The following USO1 variants were observed in gnomAD, a reference collection of about 807,000 sequenced individuals.
USO1 encodes USO1 vesicle transport factor.
Under a neutral mutation model 124.5 loss-of-function variants are expected in USO1, and 57 were observed. The observed-to-expected ratio is 0.46, with a 90% CI of 0.37 to 0.57. The LOEUF (loss-of-function observed/expected upper bound fraction) is 0.57. Ranked by LOEUF, USO1 falls within the 20% of genes least tolerant of loss-of-function variation. USO1 has a pLI of 0.00. For missense variants in USO1, 900 were observed against 1,040.6 expected (o/e 0.86, Z 1.86); for synonymous variants, 369 against 362.8 (o/e 1.02, Z -0.19).
At chr4:75,725,045 T>C in intron 1 of USO1, 160 bp downstream of exon 1, 1 of 771,000 alleles carries the variant, frequency 1.3e-6, no homozygotes, top group Admixed American at 2.9e-5. Flanking sequence ...AATCCCAGAG[T>C]TATTCAATCA....
chr4:75,789,115 TCTGAAATTTA>T (rs964238411), intron 10 of USO1, among the ~76,000 whole-genome samples: 10 of 152,156 alleles, frequency 6.6e-5, no homozygotes, highest in African/African-American at 2.4e-4. Context: ...TTTTTGATTT[TCTGAAATTTA>T]CTGATGATGT....
At chr4:75,807,680 T>C (rs1018074551) in intron 20 of USO1, among the ~76,000 whole-genome samples, 1 of 152,186 alleles carries the variant, frequency 6.6e-6, no homozygotes, top group Non-Finnish European at 1.5e-5. Flanking sequence ...TTTGGTTTTA[T>C]TAAGTGTACC....
chr4:75,793,807 C>T lies in USO1; in HGVS notation c.1358C>T (p.Thr453Ile). 1.2e-6 allele frequency: 2 copies of T among 1,613,930 alleles called. No individual in the cohort carries two copies. The highest frequency in any genetic ancestry group is 1.7e-6 in the Non-Finnish European group (2 of 1,179,858). ...ALAHALQENA[T>I]QKEQLLRVQL... is the part of the protein sequence containing the mutation. ...GCCCATGCGTTGCAAGAAAATGCCA[C>T]CCAGAAAGAACAGTTGCTCAGGGTT... The change falls in exon 13 of 24, where the codon ACC becomes ATC. Residue 453 changes from threonine to isoleucine, a missense_variant. Physicochemically the swap from Thr to Ile is moderately conservative, Grantham distance 89. Around this residue, in one of 2 missense-constraint regions of USO1, gnomAD observed 538 missense variants for 681.6 expected, o/e 0.79. Coordinates refer to ENST00000514213, the MANE Select transcript of USO1 (RefSeq NM_003715.4).
intron 4 of USO1, chr4:75,760,534 T>TA (rs1721576374): frequency 1.0e-5 from 4 of 395,712 alleles, no homozygotes; most frequent in Non-Finnish European, 1.8e-5. Context: ...ACTACTACAT[T>TA]AAAAAACTAT....
intron 9 of USO1, 28 bp from the exon 10 acceptor site, chr4:75,787,034 C>T: frequency 6.4e-7 from 1 of 1,553,670 alleles, no homozygotes; most frequent in Non-Finnish European, 8.7e-7. Flanking sequence ...CTTTAAAAGA[C>T]AAATTTTGTT....
At chr4:75,736,593 G>A (rs924905142) in intron 1 of USO1, among the ~76,000 whole-genome samples, 11 of 152,072 alleles carry the variant, frequency 7.2e-5, no homozygotes, top group Admixed American at 3.3e-4. Flanking sequence ...GTGGGCCACC[G>A]CGCCTGGCCA....
chr4:75,741,717 G>A (rs572364534), intron 1 of USO1, among the ~76,000 whole-genome samples: 8 of 143,376 alleles, frequency 5.6e-5, no homozygotes, highest in South Asian at 2.3e-4. Context: ...TAATTCTCCC[G>A]CCTCAGCCTC....
chr4:75,778,247 C>G (rs1204385334), intron 8 of USO1, among the ~76,000 whole-genome samples: 3 of 152,080 alleles, frequency 2.0e-5, no homozygotes, highest in African/African-American at 7.2e-5. Context: ...ATAACATAAG[C>G]AGTGGATTAA....
At chr4:75,775,957 G>A (rs1722062624) in intron 8 of USO1, among the ~76,000 whole-genome samples, 1 of 152,126 alleles carries the variant, frequency 6.6e-6, no homozygotes. Context: ...CAAAGATGAG[G>A]CAAAAAAACT....
rs902385178 is a variant in USO1 at position 75,813,853 on chromosome 4, A to G, written c.*558A>G. On this transcript the variant is annotated 3_prime_UTR_variant, in exon 24 of 24. Coordinates refer to ENST00000514213, the MANE Select transcript of USO1 (RefSeq NM_003715.4). ...GCTTAGAATGAGTGCCTTGACACCT[A>G]CATATGGCTGCATTCCATACCTCAG... 5 of 152,274 alleles carry G rather than the reference A, an allele frequency of 3.3e-5. No individual in the cohort carries two copies. The highest frequency in any genetic ancestry group is 7.3e-5 in the Non-Finnish European group (5 of 68,072). The allele number at this position is 152,274 out of a possible 1,614,324, so 9.4% of individuals were successfully genotyped here.
chr4:75,784,722 T>C (rs779297870), intron 9 of USO1, among the ~76,000 whole-genome samples: 2 of 151,830 alleles, frequency 1.3e-5, no homozygotes, highest in Non-Finnish European at 2.9e-5. Context: ...GCCCAGGAGG[T>C]TGAGGCTGCA....
intron 1 of USO1, among the ~76,000 whole-genome samples, chr4:75,729,270 G>A (rs1225445653): frequency 2.0e-5 from 3 of 151,948 alleles, no homozygotes; most frequent in East Asian, 3.9e-4. Flanking sequence ...AGACCACCAG[G>A]GACTTCATGC....
chr4:75,745,342 G>A, intron 1 of USO1: 1 of 519,940 alleles, frequency 1.9e-6, no homozygotes, highest in Middle Eastern at 3.2e-4. Context: ...GCTTGTCAGG[G>A]TGTTTAGTAG....
chr4:75,738,677 C>T (rs1003485152), intron 1 of USO1, among the ~76,000 whole-genome samples: 5 of 151,928 alleles, frequency 3.3e-5, no homozygotes, highest in Non-Finnish European at 7.4e-5. Context: ...ATAGGGGTTT[C>T]GCCATGTTGC....
At chr4:75,732,876 T>TAAAAAAAAAAAA (rs3059597) in intron 1 of USO1, among the ~76,000 whole-genome samples, 10 of 48,180 alleles carry the variant, frequency 2.1e-4, no homozygotes, top group African/African-American at 6.7e-4. Context: ...AGATTCCATC[T>TAAAAAAAAAAAA]AAAAAAAAAA....
At chr4:75,790,516 G>T in intron 11 of USO1, 127 bp from the exon 12 acceptor site, 1 of 1,383,946 alleles carries the variant, frequency 7.2e-7, no homozygotes, top group Non-Finnish European at 9.5e-7. Context: ...CTGTGAAATA[G>T]AGATGGAAAT....
At chr4:75,750,359 G>A (rs1721268211) in intron 1 of USO1, among the ~76,000 whole-genome samples, 1 of 152,036 alleles carries the variant, frequency 6.6e-6, no homozygotes, top group Non-Finnish European at 1.5e-5. Flanking sequence ...GATTGCTTGA[G>A]GACAGGAGGT....
At chr4:75,727,496 A>G (rs139912697) in intron 1 of USO1, among the ~76,000 whole-genome samples, 108 of 152,320 alleles carry the variant, frequency 7.1e-4, no homozygotes, top group Non-Finnish European at 1.2e-3. Context: ...GAGGTACAGT[A>G]TGAATAAAAT....
intron 1 of USO1, among the ~76,000 whole-genome samples, chr4:75,740,112 C>T (rs1349235777): frequency 6.6e-6 from 1 of 152,106 alleles, no homozygotes; most frequent in East Asian, 1.9e-4. Context: ...GGCAGGAGGA[C>T]CACTTGAGCT....
Sources: allele counts gnomAD v4.1 joint callset (sites outside exome capture counted in the v4.1 genomes callset), GRCh38; gene constraint gnomAD v4.1.1; regional missense constraint gnomAD v4.1.1; transcripts MANE v1.5; gene names NCBI Gene and HGNC (gene_info 2026-07-23, HGNC 2026-07-21).